The following KDM4B variants were observed in gnomAD, a reference collection of about 807,000 sequenced individuals.
KDM4B encodes the protein lysine demethylase 4B.
In KDM4B, 32 loss-of-function variants were observed where a neutral mutation model predicts 125.2. The ratio of observed to expected loss-of-function variants is 0.26; its 90% CI spans 0.19 to 0.34. The LOEUF (loss-of-function observed/expected upper bound fraction) is 0.34, where lower values mean the gene tolerates loss of function less well. Ranked by LOEUF, KDM4B falls within the 10% of genes least tolerant of loss-of-function variation. KDM4B has a pLI of 1.00. For missense variants in KDM4B, 1,190 were observed against 1,577.7 expected, an observed-to-expected ratio of 0.75 and a Z score of 4.16; for synonymous variants, 721 against 677.9, an observed-to-expected ratio of 1.06 and a Z score of -0.99.
At chr19:5,151,102 G>GC (rs1384020635) in intron 22 of KDM4B, among the ~76,000 whole-genome samples, 6 of 152,214 alleles carry the variant, frequency 3.9e-5, no homozygotes, top group Non-Finnish European at 1.5e-5. Context: ...GACGGTCCCA[G>GC]CCCCAGCCAG....
At chr19:5,000,552 C>G (rs1214489170) in intron 1 of KDM4B, among the ~76,000 whole-genome samples, 4 of 152,094 alleles carry the variant, frequency 2.6e-5, no homozygotes, top group Admixed American at 2.6e-4. Context: ...TTGTAACTCC[C>G]TTGGCTGACA....
intron 11 of KDM4B, among the ~76,000 whole-genome samples, chr19:5,128,954 C>T (rs1413435185): frequency 2.0e-5 from 3 of 152,044 alleles, no homozygotes; most frequent in Non-Finnish European, 4.4e-5. Flanking sequence ...GGGGGTGTTC[C>T]AGGCTCCCCT....
chr19:5,110,537 T>C, intron 9 of KDM4B, 85 bp from the exon 10 acceptor site: 1 of 1,393,916 alleles, frequency 7.2e-7, no homozygotes, highest in Non-Finnish European at 1.0e-6. Context: ...GCCCGGGCCG[T>C]GAGCCCTACC....
At chr19:5,129,950 A>G (rs2039513806) in intron 11 of KDM4B, among the ~76,000 whole-genome samples, 1 of 152,212 alleles carries the variant, frequency 6.6e-6, no homozygotes. Flanking sequence ...AGCTTCCCAC[A>G]GCCCGACACA....
chr19:4,986,240 G>C (rs977748623), intron 1 of KDM4B, among the ~76,000 whole-genome samples: 12 of 152,192 alleles, frequency 7.9e-5, no homozygotes, highest in African/African-American at 2.9e-4. Flanking sequence ...AGCCACATTC[G>C]GGGCAGCGCT....
chr19:5,086,627 C>G (rs546005779), intron 9 of KDM4B, among the ~76,000 whole-genome samples: 1 of 151,606 alleles, frequency 6.6e-6, no homozygotes, highest in South Asian at 2.1e-4. Context: ...TTGCACAGCT[C>G]GCAGGACAGC....
rs1281271872 is a variant in KDM4B, at chr19:5,112,056, C to A, written c.1115+1238C>A. 3 of 513,638 alleles carry A rather than the reference C, an allele frequency of 5.8e-6. No individual in the cohort carries two copies. The East Asian group carries it at 9.8e-5, about 17-fold the overall frequency. The allele number at this position is 513,638 out of a possible 1,614,324, so 31.8% of individuals were successfully genotyped here. ...TTGCTTGAGTCCAGGGGTTTGAGAC[C>A]AGCCTGGGCAACATATTGAGATGCC... is the stretch of plus-strand genomic sequence containing the variant. On this transcript the variant is annotated intron_variant, in intron 10 of 22. Coordinates refer to ENST00000159111, the MANE Select transcript of KDM4B (RefSeq NM_015015.3).
chr19:5,046,723 C>T (rs2037038703), intron 5 of KDM4B, among the ~76,000 whole-genome samples: 1 of 152,236 alleles, frequency 6.6e-6, no homozygotes, highest in African/African-American at 2.4e-5. Flanking sequence ...CTGTCTTCGT[C>T]TCCTCGGTCA....
chr19:5,077,168 G>T, intron 7 of KDM4B, 199 bp from the exon 8 acceptor site: 1 of 602,920 alleles, frequency 1.7e-6, no homozygotes, highest in South Asian at 1.9e-5. Context: ...GCACTATGGG[G>T]CGGCTCCTGC....
Position 5,114,178 on chromosome 19 carries a change from A to T in KDM4B, c.1115+3360A>T. 7.8e-7 allele frequency: 1 copy of T among 1,289,574 alleles called. No homozygotes were observed. Among genetic ancestry groups the T allele is most frequent in the Non-Finnish European group, 1.0e-6 (1 of 988,808 alleles). 79.9% of individuals were successfully genotyped at this position (1,289,574 alleles called of 1,614,324 possible). On this transcript the variant is annotated intron_variant, in intron 10 of 22. Transcript: ENST00000159111. The surrounding 1 kb of genome is among the most constrained non-coding windows in gnomAD (Gnocchi z 5.8). ...CACCCACGCGACGCTCCTCCATGCA[A>T]ACTCTTTCCACGCGAGAAGCGCCAT...
At chr19:5,036,232 G>C (rs1333089993) in intron 3 of KDM4B, among the ~76,000 whole-genome samples, 1 of 152,238 alleles carries the variant, frequency 6.6e-6, no homozygotes, top group Non-Finnish European at 1.5e-5. Flanking sequence ...TGTGTGTGGT[G>C]GGGGAGCTGG....
chr19:5,094,942 T>C (rs1052120701), intron 9 of KDM4B, among the ~76,000 whole-genome samples: 1 of 152,038 alleles, frequency 6.6e-6, no homozygotes, highest in African/African-American at 2.4e-5. Context: ...CCTGTCACCG[T>C]GCAGCTGATG....
chr19:5,050,125 C>A (rs1157979533), intron 6 of KDM4B, among the ~76,000 whole-genome samples: 1 of 152,232 alleles, frequency 6.6e-6, no homozygotes, highest in Non-Finnish European at 1.5e-5. Flanking sequence ...TTAATTGCAA[C>A]CATTTCAGAG....
chr19:5,135,257 GGTGCCCTGAGAGAGGTCC>G, intron 14 of KDM4B, 64 bp from the exon 15 acceptor site: 1 of 910,184 alleles, frequency 1.1e-6, no homozygotes, highest in Non-Finnish European at 1.7e-6. Context: ...GCCTGGGGCA[GGTGCCCTGAGAGAGGTCC>G]GCGCCGCCCG....
chr19:5,060,683 G>A (rs865856622), intron 6 of KDM4B, among the ~76,000 whole-genome samples: 13 of 152,106 alleles, frequency 8.5e-5, no homozygotes, highest in Non-Finnish European at 1.3e-4. Flanking sequence ...AATTCAGGCC[G>A]GTTTGACGGC....
rs2039798829 is a variant in KDM4B at position 5,144,281 on chromosome 19, G to A, written c.2770G>A (p.Val924Met). ...QLLRAVSLGQ[V>M]VITKNRNGLY... ...CCTGAGGGCCGTGTCCCTAGGCCAGGTGGTCATCACCAAGAACCGCAACGG... is the reference window on the plus strand; with the variant it reads ...CCTGAGGGCCGTGTCCCTAGGCCAGATGGTCATCACCAAGAACCGCAACGG... Residue 924 changes from valine (V) to methionine (M), a missense_variant, in exon 20 of 23, where the codon GTG (valine) becomes ATG (methionine). Val to Met is a conservative substitution (Grantham distance 21). Transcript: ENST00000159111. The A allele has an allele frequency of 6.3e-7, 1 of 1,597,056 alleles. No homozygotes were observed. Among genetic ancestry groups the A allele is most frequent in the African/African-American group, 1.3e-5 (1 of 74,638 alleles).
intron 21 of KDM4B, among the ~76,000 whole-genome samples, chr19:5,149,024 C>A (rs2039899985): frequency 6.6e-6 from 1 of 152,260 alleles, no homozygotes; most frequent in African/African-American, 2.4e-5. Context: ...CCCTGCTTCT[C>A]CCGCCGCCTG....
intron 18 of KDM4B, 102 bp downstream of exon 18, chr19:5,138,172 T>C (rs901115977): frequency 1.2e-5 from 10 of 841,122 alleles, no homozygotes; most frequent in Non-Finnish European, 1.9e-5. Context: ...TCCTCCAAGC[T>C]CTGCGTCTCC....
At position 5,142,702 on chromosome 19, in the gene KDM4B, C is replaced by T. The variant is rs1022549319; in HGVS notation, c.2551-1265C>T. Among the ~76,000 whole-genome samples the T allele has an allele frequency of 3.9e-5, 6 of 152,104 alleles. No homozygotes were observed. The highest frequency in any genetic ancestry group is 1.4e-4 in the African/African-American group (6 of 41,416). On this transcript the variant is annotated intron_variant, in intron 18 of 22. Coordinates refer to ENST00000159111, the MANE Select transcript of KDM4B (RefSeq NM_015015.3). This position sits in a 1 kb window ranked among gnomAD's most constrained non-coding sequence, Gnocchi z 5.4. ...AGCCTCCACTCCTACACACTGGCTA[C>T]TCTGCCGGAGGGGGAGGCCGTGCTG...
Sources: gnomAD v4.1 joint callset for allele counts (sites outside exome capture counted in the v4.1 genomes callset) on GRCh38, gnomAD v4.1.1 for gene constraint, Gnocchi (gnomAD v3.1) non-coding constraint, MANE v1.5 for transcripts, NCBI Gene and HGNC (gene_info 2026-07-23, HGNC 2026-07-21) for gene names.